ADAM10: variants seen among roughly 807,000 people sequenced by gnomAD.
ADAM10 encodes the protein disintegrin and metalloproteinase domain-containing protein 10.
In ADAM10, 17 loss-of-function variants were observed where a neutral mutation model predicts 90.1. The ratio of observed to expected loss-of-function variants is 0.19; its 90% CI spans 0.13 to 0.28. ADAM10 has a LOEUF of 0.28. ADAM10 is among the 10% of genes least tolerant of loss of function. ADAM10 has a pLI of 1.00. For missense variants in ADAM10, 610 were observed against 914.3 expected, an observed-to-expected ratio of 0.67 and a Z score of 4.29; for synonymous variants, 310 against 298.6, an observed-to-expected ratio of 1.04 and a Z score of -0.40.
At chr15:58,709,031 T>C (rs1039269594) in intron 2 of ADAM10, among the ~76,000 whole-genome samples, 4 of 152,228 alleles carry the variant, frequency 2.6e-5, no homozygotes, top group Non-Finnish European at 5.9e-5. Context: ...TACACTATAA[T>C]ACAAGGTTTC....
intron 2 of ADAM10, chr15:58,691,164 A>C (rs1897774142): frequency 1.4e-6 from 1 of 707,170 alleles, no homozygotes; most frequent in East Asian, 2.6e-5. Flanking sequence ...GGAGATTGTC[A>C]CCCGCTCAAC....
At chr15:58,721,106 C>T (rs1898837935) in intron 1 of ADAM10, among the ~76,000 whole-genome samples, 2 of 152,208 alleles carry the variant, frequency 1.3e-5, no homozygotes, top group African/African-American at 4.8e-5. Context: ...TTCTGAAGCA[C>T]TCATGACAAA....
At chr15:58,678,863 C>T (rs967892133) in intron 4 of ADAM10, among the ~76,000 whole-genome samples, 42 of 152,108 alleles carry the variant, frequency 2.8e-4, no homozygotes, top group African/African-American at 8.7e-4. Context: ...TTTCCAGTTC[C>T]GTCAGATTTG....
At chr15:58,680,522 T>C (rs1897405828) in intron 3 of ADAM10, among the ~76,000 whole-genome samples, 2 of 152,214 alleles carry the variant, frequency 1.3e-5, no homozygotes, top group Non-Finnish European at 2.9e-5. Flanking sequence ...CAAAGATTTG[T>C]AATACTATCC....
chr15:58,673,739 C>CT (rs541236955), intron 4 of ADAM10, among the ~76,000 whole-genome samples: 24,168 of 147,346 alleles, frequency 0.16, 2,282 homozygotes, highest in East Asian at 0.44. Context: ...CTTTCTCTCT[C>CT]TTTTTTTTTT....
rs77192113 is a variant in ADAM10, at chr15:58,598,171, T to C, written c.2153-530A>G. Among the ~76,000 whole-genome samples the C allele has an allele frequency of 7.3e-3, 1,114 of 152,350 alleles. 4 individuals are homozygous for C. Among genetic ancestry groups the C allele is most frequent in the Non-Finnish European group, 0.011 (775 of 68,022 alleles). On this transcript the variant is annotated intron_variant, in intron 15 of 15. Coordinates refer to ENST00000260408, the MANE Select transcript of ADAM10 (RefSeq NM_001110.4). ...CGTATATAGCCTGTTGTAAAGATTATATAATTCATATAAAAATGTTTAACA... is the reference window on the plus strand; with the variant it reads ...CGTATATAGCCTGTTGTAAAGATTACATAATTCATATAAAAATGTTTAACA...
intron 2 of ADAM10, among the ~76,000 whole-genome samples, chr15:58,694,857 T>C (rs577468988): frequency 1.3e-5 from 2 of 152,098 alleles, no homozygotes; most frequent in African/African-American, 4.8e-5. Context: ...ATCTATCTAG[T>C]AGTGACAGGA....
chr15:58,647,248 A>ATTTTTTTTCTTTTTTTT (rs1896572643), intron 5 of ADAM10, among the ~76,000 whole-genome samples: 1 of 59,602 alleles, frequency 1.7e-5, no homozygotes, highest in Non-Finnish European at 3.6e-5. Context: ...GACACTAAGT[A>ATTTTTTTTCTTTTTTTT]TTTTTTTTTT....
chr15:58,613,269 G>A lies in ADAM10; in HGVS notation c.1512-1278C>T, dbSNP rs746245708. Among the ~76,000 whole-genome samples, 16 of 152,206 alleles carry A rather than the reference G, an allele frequency of 1.1e-4. 1 individual carries two copies. Among genetic ancestry groups the A allele is most frequent in the South Asian group, 4.1e-4 (2 of 4,820 alleles). On this transcript the variant is annotated intron_variant, in intron 11 of 15. Transcript: ENST00000260408. ...GAAAAAGAAGCACCACACCCTTCCC[G>A]ACCAGCACACTAAGACCTAGCTACA...
At chr15:58,648,065 C>T (rs1219818911) in intron 5 of ADAM10, among the ~76,000 whole-genome samples, 1 of 151,966 alleles carries the variant, frequency 6.6e-6, no homozygotes, top group Non-Finnish European at 1.5e-5. Context: ...GTATTATATG[C>T]CAAACACACA....
intron 4 of ADAM10, among the ~76,000 whole-genome samples, chr15:58,677,515 G>GA (rs1897324552): frequency 6.6e-6 from 1 of 151,802 alleles, no homozygotes; most frequent in African/African-American, 2.4e-5. Context: ...TATATTACAA[G>GA]AAAGAAAGAA....
rs1402183694 is a variant in ADAM10, at chr15:58,590,877, C to G, written c.*6670G>C. 2 of 152,084 alleles carry G rather than the reference C, an allele frequency of 1.3e-5. No homozygotes were observed. Among genetic ancestry groups the G allele is most frequent in the Admixed American group, 6.5e-5 (1 of 15,270 alleles). 9.4% of individuals were successfully genotyped at this position (152,084 alleles called of 1,614,324 possible). A position where few individuals can be genotyped will look rare whatever the true frequency, so the allele number is the denominator to read the frequency against. On this transcript the variant is annotated 3_prime_UTR_variant, in exon 16 of 16. Transcript: ENST00000260408. ...TGGAACCACTTTTTATATAAGACAA[C>G]CTACACTCTTATCAAATTATTCTCA...
intron 2 of ADAM10, among the ~76,000 whole-genome samples, chr15:58,716,056 C>T (rs1898648572): frequency 6.6e-6 from 1 of 152,022 alleles, no homozygotes; most frequent in Non-Finnish European, 1.5e-5. Context: ...AAATCTTTTT[C>T]CCTCCTTCAG....
At chr15:58,734,935 C>G (rs1159615156) in intron 1 of ADAM10, among the ~76,000 whole-genome samples, 1 of 152,174 alleles carries the variant, frequency 6.6e-6, no homozygotes, top group African/African-American at 2.4e-5. Flanking sequence ...CCTGACTAAT[C>G]TTCAACCCTT....
intron 1 of ADAM10, among the ~76,000 whole-genome samples, chr15:58,726,567 CAAAAA>C (rs71116593): frequency 3.9e-4 from 8 of 20,778 alleles, no homozygotes; most frequent in East Asian, 3.1e-3. Context: ...CTCAGTCTCC[CAAAAA>C]AAAAAAAAAA....
chr15:58,731,853 G>A (rs1184658692), intron 1 of ADAM10, among the ~76,000 whole-genome samples: 1 of 152,068 alleles, frequency 6.6e-6, no homozygotes, highest in Non-Finnish European at 1.5e-5. Context: ...CTTGAAAGAC[G>A]TTTTTCCATC....
At chr15:58,623,744 A>G (rs1277867360) in intron 10 of ADAM10, among the ~76,000 whole-genome samples, 2 of 152,140 alleles carry the variant, frequency 1.3e-5, no homozygotes, top group Non-Finnish European at 2.9e-5. Context: ...GTTCTCACTC[A>G]TAAGTGGGAG....
chr15:58,639,586 CAGAT>C, intron 8 of ADAM10, among the ~76,000 whole-genome samples: 1 of 151,900 alleles, frequency 6.6e-6, no homozygotes, highest in Non-Finnish European at 1.5e-5. Flanking sequence ...CAAAAAAGTA[CAGAT>C]TATCATAAAA....
At chr15:58,657,904 T>C (rs1437802279) in intron 5 of ADAM10, among the ~76,000 whole-genome samples, 1 of 151,502 alleles carries the variant, frequency 6.6e-6, no homozygotes, top group East Asian at 1.9e-4. Flanking sequence ...TTTTTTTTCT[T>C]AACTGAGTTA....
Sources: allele counts gnomAD v4.1 joint callset (sites outside exome capture counted in the v4.1 genomes callset), GRCh38; gene constraint gnomAD v4.1.1; transcripts MANE v1.5; gene names NCBI Gene and HGNC (gene_info 2026-07-23, HGNC 2026-07-21).